WDR27: variants seen among roughly 807,000 people sequenced by gnomAD.
WDR27 encodes WD repeat-containing protein 27.
WDR27 carries 100 observed loss-of-function variants against 114.4 expected under a neutral mutation model. That is an observed-to-expected ratio of 0.87 (90% confidence interval 0.74 to 1.03). The LOEUF (loss-of-function observed/expected upper bound fraction) is 1.03, where lower values mean the gene tolerates loss of function less well. WDR27 is among the 50% of genes least tolerant of loss of function. The pLI is 0.00. For synonymous variants in WDR27, 449 were observed against 423.1 expected, an observed-to-expected ratio of 1.06 and a Z score of -0.75; for missense variants, 1,129 against 1,092.9, an observed-to-expected ratio of 1.03 and a Z score of -0.47.
chr6:169,651,806 C>A lies in WDR27; in HGVS notation c.1481+124G>T, dbSNP rs919898819. The A allele has an allele frequency of 9.5e-5, 76 of 803,512 alleles. No homozygotes were observed. The African/African-American group carries it at 1.0e-3, about 11-fold the overall frequency. 49.8% of individuals were successfully genotyped at this position (803,512 alleles called of 1,614,324 possible). The stretch of plus-strand genomic sequence containing the variant: ...ACCCACCACATTTTAACTTCTGTTT[C>A]TATTGCTATGTCCTCTCTCCATACT... On this transcript the variant is annotated intron_variant, in intron 14 of 25. Transcript: ENST00000448612.
At chr6:169,579,931 G>A (rs1306793939) in intron 24 of WDR27, among the ~76,000 whole-genome samples, 1 of 152,164 alleles carries the variant, frequency 6.6e-6, no homozygotes, top group Non-Finnish European at 1.5e-5. Flanking sequence ...CCTGCATCAG[G>A]TCTGGACTTG....
intron 25 of WDR27, 58 bp from the exon 26 acceptor site, chr6:169,457,692 C>A: frequency 7.2e-7 from 1 of 1,379,748 alleles, no homozygotes; most frequent in South Asian, 1.3e-5. Context: ...ATTGATAACT[C>A]TATAAGAAAA....
the WDR27 span, among the ~76,000 whole-genome samples, chr6:169,445,010 T>C: frequency 2.0e-5 from 3 of 152,324 alleles, no homozygotes; most frequent in African/African-American, 7.2e-5. Context: ...GTAAAGAGCT[T>C]AGAAGAGTGT....
intron 25 of WDR27, among the ~76,000 whole-genome samples, chr6:169,518,796 G>C (rs1163295886): frequency 6.6e-6 from 1 of 152,194 alleles, no homozygotes; most frequent in Non-Finnish European, 1.5e-5. Flanking sequence ...ACATGGCCAG[G>C]CTGCAAATTT....
chr6:169,688,546 ATTATG>A (rs1456597139), intron 2 of WDR27, among the ~76,000 whole-genome samples: 1 of 152,176 alleles, frequency 6.6e-6, no homozygotes, highest in Non-Finnish European at 1.5e-5. Flanking sequence ...AGGAGACTTG[ATTATG>A]TTAAGATGAA....
chr6:169,450,486 C>A, the WDR27 span, among the ~76,000 whole-genome samples: 1 of 152,214 alleles, frequency 6.6e-6, no homozygotes, highest in East Asian at 1.9e-4. Flanking sequence ...CCTCACCCAA[C>A]CACCACTGCT....
chr6:169,607,417 CACACACATATA>C (rs934376882), intron 22 of WDR27, among the ~76,000 whole-genome samples: 18 of 35,866 alleles, frequency 5.0e-4, no homozygotes, highest in African/African-American at 9.8e-4. Context: ...CACACACACA[CACACACATATA>C]ATATAATATT....
rs532646047 is a variant in WDR27 at position 169,471,887 on chromosome 6, G to T, written c.2646-14253C>A. On this transcript the variant is annotated intron_variant, in intron 25 of 25. Coordinates refer to ENST00000448612, the MANE Select transcript of WDR27 (RefSeq NM_182552.5). Reference sequence around the variant, plus strand: ...TGGTGTCTGGTGAGGGCTGCTCGCTGCTTCCAAGATGGTGCATCTTGCTGC... The same window carrying T: ...TGGTGTCTGGTGAGGGCTGCTCGCTTCTTCCAAGATGGTGCATCTTGCTGC... Among the ~76,000 whole-genome samples the T allele has an allele frequency of 9.3e-3, 1,423 of 152,302 alleles. 22 individuals are homozygous for T. Among genetic ancestry groups the T allele is most frequent in the African/African-American group, 0.032 (1,327 of 41,564 alleles).
At chr6:169,624,339 G>A (rs1273693260) in intron 21 of WDR27, among the ~76,000 whole-genome samples, 1 of 152,176 alleles carries the variant, frequency 6.6e-6, no homozygotes, top group Non-Finnish European at 1.5e-5. Context: ...GATACACTCT[G>A]GATCCGAGGA....
At chr6:169,662,540 G>T (rs1418978483) in intron 8 of WDR27, 116 bp from the exon 9 acceptor site, 2 of 1,341,908 alleles carry the variant, frequency 1.5e-6, no homozygotes, top group South Asian at 1.4e-5. Flanking sequence ...GGAGTCACTC[G>T]GATCACGCGT....
rs142143338 is a variant in WDR27, at chr6:169,555,921, T to C, written c.2645+16498A>G. On this transcript the variant is annotated intron_variant, in intron 25 of 25. Transcript: ENST00000448612. Reference sequence around the variant, plus strand: ...TGTTGCTGGAGCAAACCGATACTCATATAGGGAAAAATGACTCTTTACCTT... The same window carrying C: ...TGTTGCTGGAGCAAACCGATACTCACATAGGGAAAAATGACTCTTTACCTT... 3.3e-5 allele frequency among the ~76,000 whole-genome samples: 5 copies of C among 152,174 alleles called. No individual in the cohort carries two copies. The East Asian group carries it at 7.7e-4, about 24-fold the overall frequency.
At chr6:169,431,978 G>T in the WDR27 span, among the ~76,000 whole-genome samples, 1 of 152,048 alleles carries the variant, frequency 6.6e-6, no homozygotes, top group Non-Finnish European at 1.5e-5. Context: ...TTTCTCTTCA[G>T]GGCATTTTCC....
intron 24 of WDR27, among the ~76,000 whole-genome samples, chr6:169,573,445 C>T (rs1038910023): frequency 2.0e-5 from 3 of 152,162 alleles, no homozygotes; most frequent in Non-Finnish European, 4.4e-5. Flanking sequence ...TATTTTTCAA[C>T]CAAACTCGGA....
chr6:169,455,735 G>A (rs2115237289), downstream of WDR27, among the ~76,000 whole-genome samples: 1 of 152,322 alleles, frequency 6.6e-6, no homozygotes, highest in Non-Finnish European at 1.5e-5. Flanking sequence ...CCTGGCTGCT[G>A]TCTTCCTAGA....
At chr6:169,463,078 G>A (rs1002883540) in intron 25 of WDR27, among the ~76,000 whole-genome samples, 9 of 152,146 alleles carry the variant, frequency 5.9e-5, no homozygotes, top group African/African-American at 1.7e-4. Flanking sequence ...ATGTCTCATC[G>A]TTCTGGAGAT....
intron 21 of WDR27, among the ~76,000 whole-genome samples, chr6:169,623,598 G>C (rs936344400): frequency 3.3e-5 from 5 of 152,172 alleles, no homozygotes; most frequent in Non-Finnish European, 7.3e-5. Context: ...AGACAGTGAG[G>C]GTCCAGCCAG....
At chr6:169,682,750 T>A (rs1335723825) in intron 2 of WDR27, among the ~76,000 whole-genome samples, 1 of 152,132 alleles carries the variant, frequency 6.6e-6, no homozygotes, top group Non-Finnish European at 1.5e-5. Flanking sequence ...AGACTGACCA[T>A]AAAATAATGA....
intron 25 of WDR27, among the ~76,000 whole-genome samples, chr6:169,472,642 A>C (rs1433299754): frequency 5.3e-5 from 8 of 152,224 alleles, no homozygotes; most frequent in Admixed American, 3.3e-4. Flanking sequence ...AAGAAAGAAA[A>C]AATGTGAAAA....
intron 14 of WDR27, 83 bp downstream of exon 14, chr6:169,651,847 G>T: frequency 1.6e-6 from 2 of 1,227,380 alleles, no homozygotes; most frequent in Non-Finnish European, 2.4e-6. Context: ...CCTCGGGGAT[G>T]TATGTGTGTC....
Sources: gnomAD v4.1 joint callset for allele counts (sites outside exome capture counted in the v4.1 genomes callset) on GRCh38, gnomAD v4.1.1 for gene constraint, MANE v1.5 for transcripts, NCBI Gene and HGNC (gene_info 2026-07-23, HGNC 2026-07-21) for gene names.